TRPC4: variants seen among roughly 807,000 people sequenced by gnomAD.
TRPC4 encodes transient receptor potential cation channel subfamily C member 4, also known as short transient receptor potential channel 4.
TRPC4 carries 49 observed loss-of-function variants against 99.4 expected under a neutral mutation model. The ratio of observed to expected loss-of-function variants is 0.49; its 90% CI spans 0.39 to 0.63. The LOEUF (loss-of-function observed/expected upper bound fraction) is 0.63, where lower values mean the gene tolerates loss of function less well. Ranked by LOEUF, TRPC4 falls within the 20% of genes least tolerant of loss-of-function variation. The pLI is 0.00. For synonymous variants in TRPC4, 454 were observed against 425.9 expected (o/e 1.07, Z -0.81); for missense variants, 898 against 1,152.9 (o/e 0.78, Z 3.20).
At chr13:37,741,934 GA>G (rs369211542) in intron 3 of TRPC4, among the ~76,000 whole-genome samples, 62 of 145,778 alleles carry the variant, frequency 4.3e-4, no homozygotes, top group East Asian at 1.0e-3. Flanking sequence ...ATTTTTTCAT[GA>G]AAAAAAAAAA....
chr13:37,815,742 G>A (rs1957834037), intron 1 of TRPC4, among the ~76,000 whole-genome samples: 1 of 151,746 alleles, frequency 6.6e-6, no homozygotes, highest in East Asian at 1.9e-4. Flanking sequence ...TTCAGAACCT[G>A]AACTTGACAG....
chr13:37,694,875 A>G (rs1488910504), intron 3 of TRPC4, among the ~76,000 whole-genome samples: 1 of 152,134 alleles, frequency 6.6e-6, no homozygotes, highest in Non-Finnish European at 1.5e-5. Context: ...ATAACCCAAA[A>G]AGTATTCTGA....
intron 3 of TRPC4, among the ~76,000 whole-genome samples, chr13:37,702,512 T>G (rs749643467): frequency 2.0e-5 from 3 of 152,212 alleles, no homozygotes; most frequent in Non-Finnish European, 4.4e-5. Flanking sequence ...TTTTATTAAA[T>G]ATGATTGTTA....
chr13:37,734,141 C>T (rs764933521), intron 3 of TRPC4, among the ~76,000 whole-genome samples: 4 of 152,166 alleles, frequency 2.6e-5, no homozygotes, highest in Non-Finnish European at 4.4e-5. Flanking sequence ...AGTATTTCTT[C>T]CCCATATACC....
chr13:37,862,460 T>C (rs1167946498), intron 1 of TRPC4, among the ~76,000 whole-genome samples: 1 of 151,610 alleles, frequency 6.6e-6, no homozygotes. Context: ...ACTTAAGTCC[T>C]ACTCTTACGG....
At position 37,782,940 on chromosome 13, in the gene TRPC4, G is replaced by A; in HGVS notation, c.378+16C>T. The A allele has an allele frequency of 7.1e-7, 1 of 1,411,422 alleles. No individual in the cohort carries two copies. 87.4% of individuals were successfully genotyped at this position (1,411,422 alleles called of 1,614,324 possible). ...CTGCAGGTAAAATAAATTAAAAACT[G>A]TATTTTTGCAGGTACCTGTTTTTCT... On this transcript the variant is annotated intron_variant, in intron 2 of 10. Coordinates refer to ENST00000379705, the MANE Select transcript of TRPC4 (RefSeq NM_016179.4).
chr13:37,715,840 C>T (rs894024422), intron 3 of TRPC4, among the ~76,000 whole-genome samples: 4 of 152,258 alleles, frequency 2.6e-5, no homozygotes, highest in Non-Finnish European at 5.9e-5. Flanking sequence ...TAAAAATTGT[C>T]TATCTCTCTC....
At chr13:37,717,327 T>C (rs1208286507) in intron 3 of TRPC4, among the ~76,000 whole-genome samples, 2 of 152,156 alleles carry the variant, frequency 1.3e-5, no homozygotes, top group Non-Finnish European at 2.9e-5. Flanking sequence ...AGTCTACATT[T>C]TAAATGCTAT....
chr13:37,865,175 CCTCT>C (rs1959655104), intron 1 of TRPC4, among the ~76,000 whole-genome samples: 1 of 151,506 alleles, frequency 6.6e-6, no homozygotes, highest in Admixed American at 6.6e-5. Context: ...AATGAGAGCT[CCTCT>C]CAAATACCAA....
chr13:37,794,831 T>A (rs114079480), intron 1 of TRPC4, among the ~76,000 whole-genome samples: 2,830 of 152,268 alleles, frequency 0.019, 87 homozygotes, highest in African/African-American at 0.064. Flanking sequence ...GGGTGTCCCA[T>A]CAGTATATAC....
intron 2 of TRPC4, 65 bp from the exon 3 acceptor site, chr13:37,746,520 C>T: frequency 6.6e-7 from 1 of 1,504,654 alleles, no homozygotes; most frequent in Non-Finnish European, 8.8e-7. Context: ...GAATTTCATA[C>T]ACCATGCTAT....
intron 6 of TRPC4, among the ~76,000 whole-genome samples, chr13:37,661,182 G>A (rs1273935294): frequency 2.0e-5 from 3 of 152,134 alleles, no homozygotes; most frequent in African/African-American, 4.8e-5. Context: ...AGAGACAAAC[G>A]AAAGTAATAC....
At chr13:37,839,086 T>C (rs1958656065) in intron 1 of TRPC4, among the ~76,000 whole-genome samples, 3 of 152,216 alleles carry the variant, frequency 2.0e-5, no homozygotes, top group East Asian at 3.8e-4. Context: ...CTACATAGTA[T>C]ATGCTCCATC....
intron 3 of TRPC4, among the ~76,000 whole-genome samples, chr13:37,731,689 C>T (rs1033191744): frequency 2.0e-5 from 3 of 151,998 alleles, no homozygotes; most frequent in African/African-American, 4.8e-5. Context: ...AAATGAAATG[C>T]AATCAATCAA....
At position 37,787,990 on chromosome 13, in the gene TRPC4, C is replaced by T. The variant is rs77989912; in HGVS notation, c.-27-4630G>A. ...AGGGGAATGGTATAGGCAGGGCAAA[C>T]AATGTTATTGTGCTGGATTTTTACC... is the stretch of plus-strand genomic sequence containing the variant. On this transcript the variant is annotated intron_variant, in intron 1 of 10. Coordinates refer to ENST00000379705, the MANE Select transcript of TRPC4 (RefSeq NM_016179.4). 0.012 allele frequency among the ~76,000 whole-genome samples: 1,791 copies of T among 152,156 alleles called. 56 individuals carry two copies. In the East Asian group the frequency reaches 0.12, roughly 10 times the overall value.
chr13:37,858,049 A>C (rs1959188674), intron 1 of TRPC4, among the ~76,000 whole-genome samples: 1 of 151,582 alleles, frequency 6.6e-6, no homozygotes, highest in South Asian at 2.1e-4. Flanking sequence ...TATATATAAG[A>C]AGTTCAAACA....
intron 1 of TRPC4, among the ~76,000 whole-genome samples, chr13:37,823,009 C>A (rs1436153565): frequency 4.0e-5 from 6 of 148,684 alleles, no homozygotes; most frequent in African/African-American, 1.5e-4. Context: ...ATTTGCATTT[C>A]TCTGATGGCC....
intron 1 of TRPC4, among the ~76,000 whole-genome samples, chr13:37,819,468 A>G (rs1957953102): frequency 6.6e-6 from 1 of 152,062 alleles, no homozygotes; most frequent in Admixed American, 6.6e-5. Flanking sequence ...AAAATGTGAT[A>G]CACCATGGAA....
chr13:37,728,073 A>G (rs1955121285), intron 3 of TRPC4, among the ~76,000 whole-genome samples: 1 of 152,062 alleles, frequency 6.6e-6, no homozygotes. Flanking sequence ...TGAAAAATCA[A>G]CAATGGACAT....
Sources: gnomAD v4.1 joint callset for allele counts (sites outside exome capture counted in the v4.1 genomes callset) on GRCh38, gnomAD v4.1.1 for gene constraint, MANE v1.5 for transcripts, NCBI Gene and HGNC (gene_info 2026-07-23, HGNC 2026-07-21) for gene names.